Variants in SNX16 observed in about 807,000 individuals in gnomAD.
The protein encoded by SNX16 is sorting nexin 16.
In SNX16, 35 loss-of-function variants were observed where a neutral mutation model predicts 36.7. The ratio of observed to expected loss-of-function variants is 0.95; its 90% CI spans 0.73 to 1.27. The LOEUF (loss-of-function observed/expected upper bound fraction) is 1.27. Ranked by LOEUF, SNX16 falls within the 50% of genes most tolerant of loss-of-function variation. The pLI, the probability that SNX16 is intolerant of heterozygous loss-of-function variation, is 0.00. For missense variants in SNX16, 367 were observed against 393.6 expected (o/e 0.93, Z 0.57); for synonymous variants, 134 against 132.0 (o/e 1.02, Z -0.10).
At chr8:81,841,305 C>G (rs1184185571) in intron 1 of SNX16, among the ~76,000 whole-genome samples, 2 of 147,388 alleles carry the variant, frequency 1.4e-5, no homozygotes, top group African/African-American at 5.1e-5. Flanking sequence ...CGTGCCATTG[C>G]ACTCCAGCCT....
At chr8:81,831,846 T>C (rs1484972471) in intron 2 of SNX16, among the ~76,000 whole-genome samples, 1 of 150,550 alleles carries the variant, frequency 6.6e-6, no homozygotes, top group Admixed American at 6.6e-5. Flanking sequence ...ATCAGAAAAA[T>C]GTAAATCAAA....
intron 5 of SNX16, among the ~76,000 whole-genome samples, chr8:81,810,853 T>C (rs1810207756): frequency 6.6e-6 from 1 of 152,136 alleles, no homozygotes; most frequent in South Asian, 2.1e-4. Context: ...ACCAAAAAGT[T>C]ATCCAGCCCT....
At chr8:81,828,025 C>G (rs147029934) in intron 3 of SNX16, among the ~76,000 whole-genome samples, 1 of 152,256 alleles carries the variant, frequency 6.6e-6, no homozygotes, top group Admixed American at 6.5e-5. Flanking sequence ...TCCTCTAGCT[C>G]TGGGGACAAG....
At chr8:81,802,147 TA>T (rs1809728568) in intron 7 of SNX16, among the ~76,000 whole-genome samples, 1 of 151,734 alleles carries the variant, frequency 6.6e-6, no homozygotes, top group Non-Finnish European at 1.5e-5. Flanking sequence ...AGCTCTAAAG[TA>T]AGTAATGAGA....
intron 4 of SNX16, among the ~76,000 whole-genome samples, chr8:81,822,574 C>G (rs1174436200): frequency 2.6e-5 from 4 of 151,772 alleles, no homozygotes; most frequent in Non-Finnish European, 5.9e-5. Context: ...CGTGCTTGGA[C>G]TAGGGTAGTG....
Position 81,840,009 on chromosome 8 carries a change from G to A in SNX16, c.-23C>T. 6.4e-7 allele frequency: 1 copy of A among 1,567,012 alleles called. No individual in the cohort carries two copies. The highest frequency in any genetic ancestry group is 2.2e-5 in the East Asian group (1 of 44,548). On this transcript the variant is annotated 5_prime_UTR_variant, in exon 2 of 8. Transcript: ENST00000345957. Reference sequence around the variant, plus strand: ...CATCTTCTTTTGGCTTTTCCAACAAGCTTGCACACTGTTGAGTCCACTTAG... The same window carrying A: ...CATCTTCTTTTGGCTTTTCCAACAAACTTGCACACTGTTGAGTCCACTTAG...
At chr8:81,807,722 G>A (rs1209458497) in intron 5 of SNX16, 6 of 602,686 alleles carry the variant, frequency 1.0e-5, no homozygotes, top group South Asian at 1.9e-5. Context: ...CTTTCTGCCC[G>A]TGGATGCCGC....
At chr8:81,815,081 C>A in intron 5 of SNX16, 1 of 205,592 alleles carries the variant, frequency 4.9e-6, no homozygotes, top group Non-Finnish European at 9.8e-6. Context: ...AAAAATAATG[C>A]AGGATTTAAT....
rs377173090 is a variant in SNX16 at position 81,823,756 on chromosome 8, T to C, written c.611+36A>G. The C allele has an allele frequency of 9.8e-6, 15 of 1,530,706 alleles. No individual in the cohort carries two copies. In the African/African-American group the frequency reaches 1.7e-4, roughly 17 times the overall value. The allele number at this position is 1,530,706 out of a possible 1,614,324, so 94.8% of individuals were successfully genotyped here. A position where few individuals can be genotyped will look rare whatever the true frequency, so the allele number is the denominator to read the frequency against. ...CTTTAATTTACGCCAGTTATTGGAATGCTTTTATAATCTCTTATTTCAATT... is the reference window on the plus strand; with the variant it reads ...CTTTAATTTACGCCAGTTATTGGAACGCTTTTATAATCTCTTATTTCAATT... On this transcript the variant is annotated intron_variant, in intron 4 of 7. Coordinates refer to ENST00000345957, the MANE Select transcript of SNX16 (RefSeq NM_152836.3).
Position 81,800,409 on chromosome 8 carries a change from A to G in SNX16, c.*1088T>C, listed in dbSNP as rs569137236. On this transcript the variant is annotated 3_prime_UTR_variant, in exon 8 of 8. Transcript: ENST00000345957. Reference sequence around the variant, plus strand: ...TTCATAAAGCTGACTCAAAGACCCTAGGAGACTTTTGTAGAAAGTGAAATA... The same window carrying G: ...TTCATAAAGCTGACTCAAAGACCCTGGGAGACTTTTGTAGAAAGTGAAATA... The G allele has an allele frequency of 1.3e-5, 2 of 152,396 alleles. No homozygotes were observed. The highest frequency in any genetic ancestry group is 4.1e-4 in the South Asian group (2 of 4,824). 9.4% of individuals were successfully genotyped at this position (152,396 alleles called of 1,614,324 possible).
intron 5 of SNX16, among the ~76,000 whole-genome samples, chr8:81,809,055 A>T (rs187283216): frequency 5.9e-5 from 9 of 152,174 alleles, no homozygotes; most frequent in Non-Finnish European, 8.8e-5. Context: ...ATACTGAATA[A>T]ATGTCTTTTT....
At chr8:81,824,437 C>G (rs1012764973) in intron 3 of SNX16, among the ~76,000 whole-genome samples, 1 of 152,072 alleles carries the variant, frequency 6.6e-6, no homozygotes, top group Non-Finnish European at 1.5e-5. Flanking sequence ...CTTGGCCTGA[C>G]TTTTCAATTT....
chr8:81,811,440 T>G (rs1306273072), intron 5 of SNX16, among the ~76,000 whole-genome samples: 2 of 152,168 alleles, frequency 1.3e-5, no homozygotes, highest in Non-Finnish European at 2.9e-5. Flanking sequence ...ATACACTCCT[T>G]AGACTATATA....
chr8:81,829,243 T>C (rs1463270987), intron 3 of SNX16, among the ~76,000 whole-genome samples, 187 bp downstream of exon 3: 4 of 151,984 alleles, frequency 2.6e-5, no homozygotes, highest in Admixed American at 6.5e-5. Flanking sequence ...TATATTTCTG[T>C]TGGCAATTTT....
In SNX16 at chr8:81,801,349, TAAAA is replaced by T; in HGVS notation, c.*144_*147del. On this transcript the variant is annotated 3_prime_UTR_variant, in exon 8 of 8. Transcript: ENST00000345957. Reference sequence around the variant, plus strand: ...GAATATATTTCCTATCTCAATAACTTAAAAAAACTTCTTTATGTAAACTTTATAC... The same window carrying T: ...GAATATATTTCCTATCTCAATAACTTAAACTTCTTTATGTAAACTTTATAC... 2 of 431,314 alleles carry T rather than the reference TAAAA, an allele frequency of 4.6e-6. No homozygotes were observed. The highest frequency in any genetic ancestry group is 8.1e-6 in the Non-Finnish European group (2 of 245,576). The allele number at this position is 431,314 out of a possible 1,614,324, so 26.7% of individuals were successfully genotyped here.
chr8:81,812,200 C>A (rs1398445987), intron 5 of SNX16, among the ~76,000 whole-genome samples: 3 of 151,778 alleles, frequency 2.0e-5, no homozygotes, highest in African/African-American at 7.3e-5. Context: ...TACAAATATA[C>A]AAGTAATGAC....
intron 1 of SNX16, among the ~76,000 whole-genome samples, chr8:81,840,695 T>C (rs535204550): frequency 3.9e-5 from 6 of 152,300 alleles, no homozygotes; most frequent in East Asian, 1.9e-4. Context: ...ACTGAACTTA[T>C]ATGCAACAAA....
intron 5 of SNX16, among the ~76,000 whole-genome samples, chr8:81,809,158 G>A (rs1459348590): frequency 1.3e-5 from 2 of 152,068 alleles, no homozygotes; most frequent in Non-Finnish European, 2.9e-5. Flanking sequence ...AGTGATGCCA[G>A]GTACTATTTG....
At chr8:81,834,046 C>T (rs1211028366) in intron 2 of SNX16, among the ~76,000 whole-genome samples, 1 of 152,200 alleles carries the variant, frequency 6.6e-6, no homozygotes, top group Non-Finnish European at 1.5e-5. Context: ...CCATTTCATG[C>T]TGCTGAGAGA....
Sources: allele counts gnomAD v4.1 joint callset (sites outside exome capture counted in the v4.1 genomes callset), GRCh38; gene constraint gnomAD v4.1.1; transcripts MANE v1.5; gene names NCBI Gene and HGNC (gene_info 2026-07-23, HGNC 2026-07-21).